ZFR: variants seen among roughly 807,000 people sequenced by gnomAD.
ZFR encodes zinc finger RNA binding protein.
Under a neutral mutation model 130.7 loss-of-function variants are expected in ZFR, and 19 were observed. The ratio of observed to expected loss-of-function variants is 0.15; its 90% CI spans 0.10 to 0.21. ZFR has a LOEUF of 0.21. Ranked by LOEUF, ZFR falls within the 10% of genes least tolerant of loss-of-function variation. The pLI is 1.00. For synonymous variants in ZFR, 466 were observed against 456.9 expected (o/e 1.02, Z -0.25); for missense variants, 872 against 1,321.5 (o/e 0.66, Z 5.27).
chr5:32,438,739 T>C (rs1754397076), intron 2 of ZFR, among the ~76,000 whole-genome samples: 2 of 145,206 alleles, frequency 1.4e-5, no homozygotes, highest in Non-Finnish European at 3.0e-5. Flanking sequence ...ACTCTCTATA[T>C]AAATATATGA....
At chr5:32,410,607 C>CAA (rs375000423) in intron 5 of ZFR, among the ~76,000 whole-genome samples, 35 of 150,174 alleles carry the variant, frequency 2.3e-4, no homozygotes, top group South Asian at 4.2e-4. Flanking sequence ...GACCTAGTCT[C>CAA]AAAAAAAAAA....
intron 2 of ZFR, among the ~76,000 whole-genome samples, chr5:32,432,897 TG>T (rs1471912288): frequency 7.2e-5 from 10 of 138,270 alleles, no homozygotes; most frequent in Admixed American, 6.8e-4. Context: ...CCTGGCTAAT[TG>T]TTTTTTTTTT....
chr5:32,428,721 C>T (rs1754131583), intron 2 of ZFR, among the ~76,000 whole-genome samples: 1 of 152,196 alleles, frequency 6.6e-6, no homozygotes, highest in African/African-American at 2.4e-5. Flanking sequence ...AGCGTCCCAC[C>T]AGATGTTGGT....
intron 2 of ZFR, among the ~76,000 whole-genome samples, chr5:32,433,282 A>T (rs1754262303): frequency 6.6e-6 from 1 of 152,248 alleles, no homozygotes; most frequent in Non-Finnish European, 1.5e-5. Flanking sequence ...GGATAATGAA[A>T]AAGAATGATT....
rs1237980591 is a variant in ZFR at position 32,385,615 on chromosome 5, G to A, written c.2534C>T (p.Ala845Val). The A allele has an allele frequency of 6.2e-7, 1 of 1,613,236 alleles. No homozygotes were observed. Among genetic ancestry groups the A allele is most frequent in the Non-Finnish European group, 8.5e-7 (1 of 1,179,510 alleles). ...CAAAATTATTGCCGCTTCAGATACAGCACATTTTATGTCATACTTCTCAGG... is the reference window on the plus strand; with the variant it reads ...CAAAATTATTGCCGCTTCAGATACAACACATTTTATGTCATACTTCTCAGG... ...ISPEKYDIKC[A>V]VSEAAIILNS... The change falls in exon 15 of 20, where the codon GCT becomes GTT. Residue 845 changes from alanine (A) to valine (V), a missense_variant. Around this residue, in one of 7 missense-constraint regions of ZFR, gnomAD observed 225 missense variants for 282.4 expected, o/e 0.80. Transcript: ENST00000265069.
intron 14 of ZFR, among the ~76,000 whole-genome samples, chr5:32,386,965 TAA>T (rs1400041947): frequency 6.6e-6 from 1 of 152,080 alleles, no homozygotes; most frequent in Admixed American, 6.6e-5. Flanking sequence ...AATTTAAGCT[TAA>T]AAAAAGTTTG....
intron 11 of ZFR, among the ~76,000 whole-genome samples, chr5:32,391,116 T>C (rs897741670): frequency 2.0e-5 from 3 of 152,208 alleles, no homozygotes; most frequent in African/African-American, 7.2e-5. Context: ...TTTTAAATCT[T>C]GTGCAATTTT....
intron 11 of ZFR, among the ~76,000 whole-genome samples, chr5:32,390,803 A>G (rs937622809): frequency 7.2e-5 from 11 of 152,226 alleles, no homozygotes; most frequent in African/African-American, 2.4e-4. Context: ...AATTTTCTTC[A>G]TGTCCTCAAA....
intron 2 of ZFR, among the ~76,000 whole-genome samples, chr5:32,436,179 C>T (rs1360122916): frequency 6.9e-5 from 8 of 116,678 alleles, no homozygotes; most frequent in Admixed American, 2.3e-4. Flanking sequence ...GATGGAGTCT[C>T]GCTCTGTCGC....
At chr5:32,415,513 TGTGC>T (rs1477169578) in intron 4 of ZFR, among the ~76,000 whole-genome samples, 160 of 92,302 alleles carry the variant, frequency 1.7e-3, no homozygotes, top group African/African-American at 7.4e-3. Flanking sequence ...TGTGTGTGTG[TGTGC>T]GCGCGCGCGC....
At chr5:32,377,917 C>T (rs67746487) in intron 17 of ZFR, among the ~76,000 whole-genome samples, 12,537 of 151,494 alleles carry the variant, frequency 0.083, 694 homozygotes, top group Non-Finnish European at 0.11. Context: ...GTCTCGAACT[C>T]CTGACCTCAG....
intron 10 of ZFR, 126 bp from the exon 11 acceptor site, chr5:32,395,430 G>C (rs1255691327): frequency 3.1e-6 from 2 of 644,602 alleles, no homozygotes; most frequent in East Asian, 6.7e-5. Context: ...CCACTAGAGA[G>C]TAAAATCAAT....
At chr5:32,430,572 T>C (rs1234795529) in intron 2 of ZFR, among the ~76,000 whole-genome samples, 1 of 151,980 alleles carries the variant, frequency 6.6e-6, no homozygotes, top group African/African-American at 2.4e-5. Flanking sequence ...CTAAAATTAA[T>C]GAAAGATAAC....
chr5:32,394,860 A>G (rs181341352), intron 11 of ZFR, among the ~76,000 whole-genome samples: 2 of 152,240 alleles, frequency 1.3e-5, no homozygotes, highest in East Asian at 1.9e-4. Context: ...ATGTATGTCT[A>G]TTTTGCTTGT....
rs539499425 is a variant in ZFR at position 32,356,698 on chromosome 5, C to T, written c.3046-759G>A. On this transcript the variant is annotated intron_variant, in intron 19 of 19. Transcript: ENST00000265069. ...CCTCCCAAAGTTCTGGGATTACAGG[C>T]GTGAGCCACTGCGCCCGGCCTCCAA... Among the ~76,000 whole-genome samples the T allele has an allele frequency of 7.9e-5, 12 of 152,166 alleles. No individual in the cohort carries two copies. The South Asian group carries it at 1.9e-3, about 24-fold the overall frequency.
intron 4 of ZFR, among the ~76,000 whole-genome samples, chr5:32,415,518 G>A (rs1239267818): frequency 9.6e-6 from 1 of 104,222 alleles, no homozygotes; most frequent in Admixed American, 8.6e-5. Flanking sequence ...GTGTGTGTGC[G>A]CGCGCGCGCG....
At chr5:32,434,677 A>G (rs1436835822) in intron 2 of ZFR, among the ~76,000 whole-genome samples, 2 of 152,244 alleles carry the variant, frequency 1.3e-5, no homozygotes, top group African/African-American at 4.8e-5. Flanking sequence ...ACAGAATGAT[A>G]AAACAGCAAA....
chr5:32,364,156 A>G lies in ZFR; in HGVS notation c.2947+8T>C, dbSNP rs1195191898. 1.2e-6 allele frequency: 2 copies of G among 1,607,072 alleles called. No individual in the cohort carries two copies. The highest frequency in any genetic ancestry group is 1.7e-4 in the Middle Eastern group (1 of 6,038). On this transcript the variant is annotated splice_region_variant and intron_variant, in intron 18 of 19. Coordinates refer to ENST00000265069, the MANE Select transcript of ZFR (RefSeq NM_016107.5). ...ATTTTACTTCATTAAAAACAAAGTA[A>G]GAGTTACCTTTAAGAATAATCCCTG...
intron 2 of ZFR, among the ~76,000 whole-genome samples, chr5:32,438,285 C>T (rs1309957551): frequency 6.0e-4 from 29 of 47,992 alleles, no homozygotes; most frequent in African/African-American, 1.7e-3. Context: ...TTTTTTGAGA[C>T]GGAGTTTCAC....
Sources: allele counts gnomAD v4.1 joint callset (sites outside exome capture counted in the v4.1 genomes callset), GRCh38; gene constraint gnomAD v4.1.1; regional missense constraint gnomAD v4.1.1; transcripts MANE v1.5; gene names NCBI Gene and HGNC (gene_info 2026-07-23, HGNC 2026-07-21).